The following ADAMTS17 variants were observed in gnomAD, a reference collection of about 807,000 sequenced individuals.
ADAMTS17 encodes A disintegrin and metalloproteinase with thrombospondin motifs 17.
A neutral mutation model predicts 141.5 loss-of-function variants in ADAMTS17; 113 were observed. The ratio of observed to expected loss-of-function variants is 0.80; its 90% confidence interval spans 0.69 to 0.93. The LOEUF (loss-of-function observed/expected upper bound fraction) is 0.93. ADAMTS17 is among the 40% of genes least tolerant of loss of function. The pLI is 0.00. For missense variants in ADAMTS17, 1,659 were observed against 1,517.9 expected (o/e 1.09, Z -1.54); for synonymous variants, 768 against 630.6 (o/e 1.22, Z -3.27).
intron 18 of ADAMTS17, among the ~76,000 whole-genome samples, chr15:100,029,786 A>G (rs377275433): frequency 7.9e-5 from 12 of 152,334 alleles, no homozygotes; most frequent in African/African-American, 2.9e-4. Flanking sequence ...GGTGATTTCC[A>G]CCATGCTTTC....
At chr15:100,142,952 A>G (rs2038730753) in intron 10 of ADAMTS17, among the ~76,000 whole-genome samples, 1 of 152,222 alleles carries the variant, frequency 6.6e-6, no homozygotes, top group East Asian at 1.9e-4. Flanking sequence ...AGGCACATAT[A>G]TGCTCGTGGC....
At chr15:100,054,320 C>T (rs1253574011) in intron 15 of ADAMTS17, among the ~76,000 whole-genome samples, 1 of 152,178 alleles carries the variant, frequency 6.6e-6, no homozygotes, top group Non-Finnish European at 1.5e-5. Flanking sequence ...GCTTCTGTCT[C>T]AAAACCAACT....
At chr15:100,088,981 T>A (rs1481534089) in intron 15 of ADAMTS17, among the ~76,000 whole-genome samples, 1 of 151,266 alleles carries the variant, frequency 6.6e-6, no homozygotes, top group Admixed American at 6.6e-5. Context: ...AAGCCAAAAT[T>A]GACAAATGGG....
intron 9 of ADAMTS17, 94 bp downstream of exon 9, chr15:100,155,086 T>C: frequency 6.3e-7 from 1 of 1,587,186 alleles, no homozygotes; most frequent in Non-Finnish European, 8.6e-7. Context: ...AAGAGAGTCA[T>C]TTCTCCACTT....
chr15:100,332,743 A>C (rs548419514), intron 2 of ADAMTS17, among the ~76,000 whole-genome samples: 2 of 152,324 alleles, frequency 1.3e-5, no homozygotes, highest in African/African-American at 4.8e-5. Flanking sequence ...TTTCTTTACA[A>C]TTCTCAGGGC....
chr15:100,253,076 C>T (rs1223415271), intron 7 of ADAMTS17, among the ~76,000 whole-genome samples: 1 of 151,912 alleles, frequency 6.6e-6, no homozygotes, highest in Non-Finnish European at 1.5e-5. Flanking sequence ...ATATATTTTT[C>T]ACACCTATAC....
chr15:99,996,332 A>G (rs928683878), intron 19 of ADAMTS17, among the ~76,000 whole-genome samples: 2 of 152,160 alleles, frequency 1.3e-5, no homozygotes, highest in African/African-American at 2.4e-5. Context: ...ATTAAAACCC[A>G]AAGGCTCACC....
At chr15:100,305,892 T>TGCAA (rs2141835406) in intron 3 of ADAMTS17, 1 of 152,412 alleles carries the variant, frequency 6.6e-6, no homozygotes, top group South Asian at 2.1e-4. Flanking sequence ...ACATTGTACA[T>TGCAA]TTGAATATAT....
chr15:100,112,861 A>G (rs897609400), intron 13 of ADAMTS17, among the ~76,000 whole-genome samples: 1 of 152,126 alleles, frequency 6.6e-6, no homozygotes. Context: ...CTTGGGAACC[A>G]CGTGGTCACA....
intron 10 of ADAMTS17, among the ~76,000 whole-genome samples, chr15:100,140,815 T>A (rs1050370065): frequency 6.6e-6 from 1 of 151,962 alleles, no homozygotes; most frequent in African/African-American, 2.4e-5. Flanking sequence ...TGAGTGTCCA[T>A]CCTCTCATCT....
intron 14 of ADAMTS17, among the ~76,000 whole-genome samples, chr15:100,103,688 C>G (rs2036256178): frequency 6.6e-6 from 1 of 152,100 alleles, no homozygotes. Flanking sequence ...AAGCAATTCT[C>G]CTGCCTCAGC....
chr15:99,977,384 ATATATATATATATATAATTTTTT>A (rs2060377077), intron 20 of ADAMTS17, among the ~76,000 whole-genome samples: 2 of 14,784 alleles, frequency 1.4e-4, no homozygotes, highest in African/African-American at 5.3e-4. Context: ...ATATATATAT[ATATATATATATATATAATTTTTT>A]TTTTTTTTTT....
chr15:100,151,018 C>G (rs185566448), intron 10 of ADAMTS17, among the ~76,000 whole-genome samples: 11 of 152,366 alleles, frequency 7.2e-5, no homozygotes. Flanking sequence ...AACACTCAAG[C>G]CACACAGTGG....
At chr15:99,982,995 C>CT (rs1251845673) in intron 20 of ADAMTS17, among the ~76,000 whole-genome samples, 3 of 152,280 alleles carry the variant, frequency 2.0e-5, no homozygotes, top group East Asian at 3.9e-4. Context: ...TACTCATGTG[C>CT]TTTTTTTGTG....
chr15:100,264,612 G>A (rs1596392989), intron 4 of ADAMTS17, among the ~76,000 whole-genome samples: 1 of 152,328 alleles, frequency 6.6e-6, no homozygotes, highest in Middle Eastern at 3.4e-3. Context: ...AACAGTGCAA[G>A]TTTCAGGAAG....
chr15:100,105,168 C>G (rs1189330498), intron 14 of ADAMTS17, among the ~76,000 whole-genome samples: 5 of 152,200 alleles, frequency 3.3e-5, no homozygotes, highest in Non-Finnish European at 2.9e-5. Flanking sequence ...TTTGTAAAGA[C>G]TGGTGGTCTG....
At chr15:100,300,473 T>C (rs529643048) in intron 3 of ADAMTS17, among the ~76,000 whole-genome samples, 3 of 152,200 alleles carry the variant, frequency 2.0e-5, no homozygotes, top group Non-Finnish European at 4.4e-5. Context: ...ACTGGACTCC[T>C]ACTCCCAACT....
At chr15:100,331,089 C>T in intron 2 of ADAMTS17, 35 bp from the exon 3 acceptor site, 1 of 1,613,150 alleles carries the variant, frequency 6.2e-7, no homozygotes, top group Non-Finnish European at 8.5e-7. Flanking sequence ...CGATGTCGGT[C>T]ATCCTCACTC....
chr15:100,088,642 A>C (rs10459740), intron 15 of ADAMTS17, among the ~76,000 whole-genome samples: 130,010 of 151,470 alleles, frequency 0.86, 56,096 homozygotes, highest in East Asian at 0.97. Flanking sequence ...CAAAACAGAG[A>C]TATAGACCAA....
Sources: allele counts gnomAD v4.1 joint callset (sites outside exome capture counted in the v4.1 genomes callset), GRCh38; gene constraint gnomAD v4.1.1; transcripts MANE v1.5; gene names NCBI Gene and HGNC (gene_info 2026-07-23, HGNC 2026-07-21).